The following TTC7B variants were observed in gnomAD, a reference collection of about 807,000 sequenced individuals.
TTC7B encodes the protein tetratricopeptide repeat domain 7B, also known as tetratricopeptide repeat protein 7B.
TTC7B carries 28 observed loss-of-function variants against 106.8 expected under a neutral mutation model. That is an observed-to-expected ratio of 0.26 (90% CI 0.19 to 0.36). The LOEUF (loss-of-function observed/expected upper bound fraction) is 0.36. Ranked by LOEUF, TTC7B falls within the 10% of genes least tolerant of loss-of-function variation. The pLI is 1.00. For missense variants in TTC7B, 862 were observed against 1,076.4 expected (o/e 0.80, Z 2.79); for synonymous variants, 405 against 430.6 (o/e 0.94, Z 0.74).
intron 5 of TTC7B, among the ~76,000 whole-genome samples, chr14:90,702,168 C>G (rs1007311280): frequency 2.0e-5 from 3 of 152,158 alleles, no homozygotes; most frequent in African/African-American, 7.2e-5. Context: ...AATTGTTGAC[C>G]TTGGGCAAGT....
chr14:90,668,357 G>A (rs1019456090), intron 9 of TTC7B, among the ~76,000 whole-genome samples: 2 of 152,132 alleles, frequency 1.3e-5, no homozygotes, highest in Non-Finnish European at 2.9e-5. Flanking sequence ...GAGTAGCCAA[G>A]TATATTTCTC....
intron 13 of TTC7B, chr14:90,648,276 ACTTTT>A (rs1428679525): frequency 1.3e-5 from 2 of 152,160 alleles, no homozygotes; most frequent in Non-Finnish European, 2.9e-5. Flanking sequence ...TAGCCTCAGG[ACTTTT>A]CTTAGCTTAG....
At position 90,575,192 on chromosome 14, in the gene TTC7B, G is replaced by A. The variant is rs79464982; in HGVS notation, c.2310+2914C>T. On this transcript the variant is annotated intron_variant, in intron 19 of 19. Transcript: ENST00000328459. This position sits in a 1 kb window ranked among gnomAD's most constrained non-coding sequence, Gnocchi z 5.2. ...GCAAACCAATCCACCTTCCGTGAGG[G>A]TAGAGACAGAACCTTTTGTGACTTA... Among the ~76,000 whole-genome samples the A allele has an allele frequency of 0.016, 2,368 of 152,338 alleles. 50 individuals are homozygous for A. The highest frequency in any genetic ancestry group is 0.046 in the African/African-American group (1,930 of 41,578).
intron 19 of TTC7B, among the ~76,000 whole-genome samples, chr14:90,542,152 G>C (rs1889626219): frequency 6.6e-6 from 1 of 152,180 alleles, no homozygotes; most frequent in Non-Finnish European, 1.5e-5. Context: ...TGTTAGCCAG[G>C]ATGGTCTCGA....
intron 18 of TTC7B, among the ~76,000 whole-genome samples, chr14:90,583,148 A>G (rs1891570356): frequency 6.6e-6 from 1 of 152,154 alleles, no homozygotes; most frequent in Non-Finnish European, 1.5e-5. Flanking sequence ...TGCCTCCCTC[A>G]TCTTCACTGG....
chr14:90,775,476 T>C (rs10150260), intron 3 of TTC7B, among the ~76,000 whole-genome samples: 19,510 of 152,098 alleles, frequency 0.13, 3,257 homozygotes, highest in African/African-American at 0.39. Flanking sequence ...CCAAGCTTCA[T>C]GCCCTTAACC....
At chr14:90,727,233 G>A (rs1035095906) in intron 5 of TTC7B, among the ~76,000 whole-genome samples, 7 of 152,120 alleles carry the variant, frequency 4.6e-5, no homozygotes, top group African/African-American at 1.4e-4. Flanking sequence ...CCTGTCCGGG[G>A]TCAAGTGCTC....
chr14:90,761,509 C>T (rs577422304), intron 3 of TTC7B, among the ~76,000 whole-genome samples: 1 of 152,356 alleles, frequency 6.6e-6, no homozygotes, highest in Non-Finnish European at 1.5e-5. Context: ...CCACACTATC[C>T]TTGAAAAACT....
chr14:90,582,771 CA>C (rs1891550717), intron 18 of TTC7B, among the ~76,000 whole-genome samples: 1 of 152,212 alleles, frequency 6.6e-6, no homozygotes, highest in African/African-American at 2.4e-5. Flanking sequence ...CCCCTTAAGA[CA>C]ATGACTCTGA....
intron 17 of TTC7B, chr14:90,605,626 T>G: frequency 7.8e-7 from 1 of 1,287,688 alleles, no homozygotes; most frequent in South Asian, 1.2e-5. Context: ...GGGACCTGCG[T>G]CACTGAATGA....
At chr14:90,594,137 G>A (rs1417866045) in intron 17 of TTC7B, among the ~76,000 whole-genome samples, 4 of 152,056 alleles carry the variant, frequency 2.6e-5, no homozygotes, top group Non-Finnish European at 2.9e-5. Context: ...CTACACCCTC[G>A]GTTTAGAACC....
intron 17 of TTC7B, among the ~76,000 whole-genome samples, chr14:90,604,691 C>T (rs981842965): frequency 6.6e-6 from 1 of 152,158 alleles, no homozygotes; most frequent in African/African-American, 2.4e-5. Flanking sequence ...TGGCAGTGAA[C>T]ATTAAATAAA....
chr14:90,800,366 G>A (rs1308131425), intron 1 of TTC7B, among the ~76,000 whole-genome samples: 2 of 152,156 alleles, frequency 1.3e-5, no homozygotes, highest in African/African-American at 2.4e-5. Flanking sequence ...ATGGCCCCCA[G>A]ACATGTCCAC....
At chr14:90,727,106 G>A (rs1595325860) in intron 5 of TTC7B, among the ~76,000 whole-genome samples, 1 of 152,288 alleles carries the variant, frequency 6.6e-6, no homozygotes, top group Non-Finnish European at 1.5e-5. Flanking sequence ...AGGGAGGCCG[G>A]GAGAGGAGGG....
chr14:90,808,327 G>T lies in TTC7B; in HGVS notation c.121+7848C>A, dbSNP rs1390817166. On this transcript the variant is annotated intron_variant, in intron 1 of 19. Transcript: ENST00000328459. This position sits in a 1 kb window ranked among gnomAD's most constrained non-coding sequence, Gnocchi z 4.2. ...GAGAGAAAGACAGAGAGAGACCCAA[G>T]AAATGCAGTTCATTCTTCTTCCCTG... Among the ~76,000 whole-genome samples the T allele has an allele frequency of 1.3e-5, 2 of 152,196 alleles. No individual in the cohort carries two copies. The highest frequency in any genetic ancestry group is 4.8e-5 in the African/African-American group (2 of 41,444).
In TTC7B at chr14:90,657,933, C is replaced by T. The variant is rs766369128; in HGVS notation, c.1236+371G>A. The stretch of plus-strand genomic sequence containing the variant: ...GCCCACATTTTCATCCAGTATCATG[C>T]ACTGCCTAATATAACACATTGCTCA... On this transcript the variant is annotated intron_variant, in intron 10 of 19. Transcript: ENST00000328459. The surrounding 1 kb of genome is among the most constrained non-coding windows in gnomAD (Gnocchi z 4.2). The T allele has an allele frequency of 7.6e-5, 19 of 249,368 alleles. No homozygotes were observed. The highest frequency in any genetic ancestry group is 2.0e-4 in the Admixed American group (4 of 19,842). The allele number at this position is 249,368 out of a possible 1,614,324, so 15.4% of individuals were successfully genotyped here. A position where few individuals can be genotyped will look rare whatever the true frequency, so the allele number is the denominator to read the frequency against.
intron 16 of TTC7B, among the ~76,000 whole-genome samples, 159 bp downstream of exon 16, chr14:90,617,770 T>G (rs554800250): frequency 6.6e-6 from 1 of 152,256 alleles, no homozygotes; most frequent in South Asian, 2.1e-4. Flanking sequence ...CCCTTAAACA[T>G]GGAGTGTGAA....
intron 6 of TTC7B, among the ~76,000 whole-genome samples, chr14:90,690,294 C>T (rs549495513): frequency 2.6e-5 from 4 of 152,208 alleles, no homozygotes; most frequent in Non-Finnish European, 4.4e-5. Flanking sequence ...TTTCACTGGC[C>T]TTGTGCAATA....
Position 90,663,122 on chromosome 14 carries a change from G to A in TTC7B, c.1153-4735C>T, listed in dbSNP as rs933513755. On this transcript the variant is annotated intron_variant, in intron 9 of 19. Coordinates refer to ENST00000328459, the MANE Select transcript of TTC7B (RefSeq NM_001010854.2). The surrounding 1 kb of genome is among the most constrained non-coding windows in gnomAD (Gnocchi z 4.5). ...ATTACTTTACAAGCATCGCCTCATCGGGTGACCCTAAGGACCCTGCAAAGT... is the reference window on the plus strand; with the variant it reads ...ATTACTTTACAAGCATCGCCTCATCAGGTGACCCTAAGGACCCTGCAAAGT... Among the ~76,000 whole-genome samples the A allele has an allele frequency of 6.6e-6, 1 of 152,136 alleles. No homozygotes were observed.
Sources: gnomAD v4.1 joint callset for allele counts (sites outside exome capture counted in the v4.1 genomes callset) on GRCh38, gnomAD v4.1.1 for gene constraint, Gnocchi (gnomAD v3.1) non-coding constraint, MANE v1.5 for transcripts, NCBI Gene and HGNC (gene_info 2026-07-23, HGNC 2026-07-21) for gene names.